Variants in TNFAIP8 observed in about 807,000 individuals in gnomAD.
TNFAIP8 encodes the protein TNF alpha induced protein 8, also known as tumor necrosis factor alpha-induced protein 8.
A neutral mutation model predicts 13.3 loss-of-function variants in TNFAIP8; 7 were observed. The observed-to-expected ratio is 0.52, with a 90% CI of 0.30 to 0.99. The LOEUF (loss-of-function observed/expected upper bound fraction) is 0.99. Among genes scored for constraint, TNFAIP8 ranks in the 50% least tolerant of loss-of-function variants. The pLI is 0.07. For synonymous variants in TNFAIP8, 94 were observed against 87.6 expected, an observed-to-expected ratio of 1.07 and a Z score of -0.41; for missense variants, 258 against 236.9, an observed-to-expected ratio of 1.09 and a Z score of -0.58.
In TNFAIP8 at chr5:119,393,481, T is replaced by C. The variant is rs1052739872; in HGVS notation, c.*100T>C. The C allele has an allele frequency of 7.1e-6, 8 of 1,127,560 alleles. No homozygotes were observed. In the Admixed American group the frequency reaches 1.9e-4, roughly 27 times the overall value. 69.8% of individuals were successfully genotyped at this position (1,127,560 alleles called of 1,614,324 possible). ...AAGAATTTTCTAAAGATTACACATA[T>C]TTCAGAAAGACTTTACCCAATTCAG... On this transcript the variant is annotated 3_prime_UTR_variant, in exon 2 of 2. Transcript: ENST00000504771.
intron 1 of TNFAIP8, among the ~76,000 whole-genome samples, chr5:119,368,321 G>C (rs886604415): frequency 2.0e-5 from 3 of 151,386 alleles, no homozygotes; most frequent in East Asian, 3.9e-4. Flanking sequence ...TAAAAAGTAA[G>C]TTCATACTTT....
chr5:119,319,172 G>A (rs1749982611), intron 1 of TNFAIP8, among the ~76,000 whole-genome samples: 1 of 152,194 alleles, frequency 6.6e-6, no homozygotes, highest in South Asian at 2.1e-4. Flanking sequence ...ACTTTGGGAG[G>A]TGAAGGCGGG....
intron 1 of TNFAIP8, among the ~76,000 whole-genome samples, chr5:119,279,863 C>T (rs1748574923): frequency 6.6e-6 from 1 of 152,142 alleles, no homozygotes; most frequent in African/African-American, 2.4e-5. Context: ...AAACAGTGTA[C>T]ATTCAGTTAT....
intron 1 of TNFAIP8, among the ~76,000 whole-genome samples, chr5:119,312,844 C>A (rs1217379021): frequency 6.6e-6 from 1 of 151,058 alleles, no homozygotes; most frequent in Non-Finnish European, 1.5e-5. Context: ...GAGGTTAGCT[C>A]TCAGATCATG....
intron 1 of TNFAIP8, among the ~76,000 whole-genome samples, chr5:119,305,037 G>T (rs950479118): frequency 6.6e-6 from 1 of 152,140 alleles, no homozygotes; most frequent in Non-Finnish European, 1.5e-5. Context: ...GGAGGTGAAC[G>T]TCAATCTGTA....
At chr5:119,317,726 G>A (rs1315513278) in intron 1 of TNFAIP8, among the ~76,000 whole-genome samples, 1 of 152,112 alleles carries the variant, frequency 6.6e-6, no homozygotes, top group African/African-American at 2.4e-5. Flanking sequence ...AGCCTCCCAA[G>A]TAGCTGGGAT....
chr5:119,377,428 A>G (rs1752326475), intron 1 of TNFAIP8, among the ~76,000 whole-genome samples: 1 of 152,072 alleles, frequency 6.6e-6, no homozygotes, highest in African/African-American at 2.4e-5. Flanking sequence ...AAAAAATAAA[A>G]ATTTGTTGGA....
intron 1 of TNFAIP8, among the ~76,000 whole-genome samples, chr5:119,339,579 T>A (rs1201782443): frequency 6.6e-6 from 1 of 151,204 alleles, no homozygotes; most frequent in African/African-American, 2.4e-5. Flanking sequence ...TCAGATGCTA[T>A]CAGGGAGAGC....
At chr5:119,283,556 G>A (rs1239297745) in intron 1 of TNFAIP8, among the ~76,000 whole-genome samples, 1 of 152,184 alleles carries the variant, frequency 6.6e-6, no homozygotes, top group East Asian at 1.9e-4. Context: ...AAAGAAAAAG[G>A]GAAACTCTTA....
At chr5:119,296,170 A>G (rs540681745) in intron 1 of TNFAIP8, among the ~76,000 whole-genome samples, 274 of 150,938 alleles carry the variant, frequency 1.8e-3, no homozygotes, top group African/African-American at 6.4e-3. Flanking sequence ...TATGTTGAAT[A>G]GGAGTGGTGA....
chr5:119,312,512 A>G (rs1749761130), intron 1 of TNFAIP8, among the ~76,000 whole-genome samples: 1 of 152,212 alleles, frequency 6.6e-6, no homozygotes, highest in Non-Finnish European at 1.5e-5. Context: ...GGTTGAGGTT[A>G]AGAGGCTTAA....
intron 1 of TNFAIP8, among the ~76,000 whole-genome samples, chr5:119,350,785 C>T (rs554652632): frequency 6.6e-6 from 1 of 152,268 alleles, no homozygotes; most frequent in African/African-American, 2.4e-5. Context: ...TTACCCATAA[C>T]TTCAAACTCC....
At chr5:119,346,566 T>C (rs546317304) in intron 1 of TNFAIP8, among the ~76,000 whole-genome samples, 78 of 152,334 alleles carry the variant, frequency 5.1e-4, no homozygotes, top group African/African-American at 1.7e-3. Flanking sequence ...GAAATTGGGT[T>C]GAATCCCAAT....
intron 1 of TNFAIP8, among the ~76,000 whole-genome samples, chr5:119,289,765 C>A (rs1748925570): frequency 6.6e-6 from 1 of 152,128 alleles, no homozygotes. Flanking sequence ...GTTAGGAAAG[C>A]CAGAGTGGGA....
Position 119,331,756 on chromosome 5 carries a change from T to G in TNFAIP8, c.2-61060T>G, listed in dbSNP as rs7724082. On this transcript the variant is annotated intron_variant, in intron 1 of 1. Transcript: ENST00000274456. ...CTCACTGCACTGCCCCATCCTCCCCTAGCAGAACTGGAAAGAGTGGTTCCT... is the reference window on the plus strand; with the variant it reads ...CTCACTGCACTGCCCCATCCTCCCCGAGCAGAACTGGAAAGAGTGGTTCCT... Among the ~76,000 whole-genome samples, 6 of 152,054 alleles carry G rather than the reference T, an allele frequency of 3.9e-5. No homozygotes were observed. In the East Asian group the frequency reaches 1.2e-3, roughly 29 times the overall value.
chr5:119,392,700 C>A, intron 1 of TNFAIP8, 116 bp from the exon 2 acceptor site: 1 of 1,255,872 alleles, frequency 8.0e-7, no homozygotes, highest in Non-Finnish European at 1.1e-6. Flanking sequence ...GTAAGACAAA[C>A]CACAAATGGT....
chr5:119,367,297 T>G (rs1184964886), intron 1 of TNFAIP8, among the ~76,000 whole-genome samples: 2 of 133,298 alleles, frequency 1.5e-5, no homozygotes, highest in African/African-American at 5.3e-5. Context: ...ATAATTTGAT[T>G]TTTTTGTTGC....
intron 1 of TNFAIP8, among the ~76,000 whole-genome samples, chr5:119,284,199 A>G (rs977477950): frequency 6.6e-6 from 1 of 152,146 alleles, no homozygotes; most frequent in African/African-American, 2.4e-5. Flanking sequence ...CTGATGTTCA[A>G]ATCCGGTGGT....
intron 1 of TNFAIP8, among the ~76,000 whole-genome samples, chr5:119,275,461 G>C (rs576622965): frequency 9.2e-5 from 14 of 152,280 alleles, no homozygotes; most frequent in African/African-American, 3.4e-4. Context: ...GTTTGGAAGA[G>C]CACGGGCCCA....
Sources: gnomAD v4.1 joint callset for allele counts (sites outside exome capture counted in the v4.1 genomes callset) on GRCh38, gnomAD v4.1.1 for gene constraint, MANE v1.5 for transcripts, NCBI Gene and HGNC (gene_info 2026-07-23, HGNC 2026-07-21) for gene names.